CRLF1: variants seen among roughly 807,000 people sequenced by gnomAD.
CRLF1 encodes the protein cytokine receptor-like factor 1.
In CRLF1, 36 loss-of-function variants were observed where a neutral mutation model predicts 48.9. The ratio of observed to expected loss-of-function variants is 0.74; its 90% CI spans 0.56 to 0.97. The LOEUF is 0.97. CRLF1 is among the 50% of genes least tolerant of loss of function. The pLI is 0.00. For synonymous variants in CRLF1, 256 were observed against 253.4 expected, an observed-to-expected ratio of 1.01 and a Z score of -0.10; for missense variants, 534 against 575.1, an observed-to-expected ratio of 0.93 and a Z score of 0.73.
At chr19:18,594,030 G>A in intron 8 of CRLF1, 35 bp downstream of exon 8, 1 of 1,315,312 alleles carries the variant, frequency 7.6e-7, no homozygotes, top group Non-Finnish European at 1.1e-6. Flanking sequence ...CCCTCCCCTT[G>A]CTCCCTCCCG....
chr19:18,597,110 A>G lies in CRLF1; in HGVS notation c.698-61T>C, dbSNP rs539995719. ...CTGTCTGGGTTTAACTCCCCCCAGCAGTGTGGCCCAGGGCACTTGGCCTAG... is the reference window on the plus strand; with the variant it reads ...CTGTCTGGGTTTAACTCCCCCCAGCGGTGTGGCCCAGGGCACTTGGCCTAG... On this transcript the variant is annotated intron_variant, in intron 4 of 8. Transcript: ENST00000392386. 1.6e-5 allele frequency: 25 copies of G among 1,554,070 alleles called. No homozygotes were observed. The African/African-American group carries it at 3.2e-4, about 20-fold the overall frequency.
chr19:18,594,032 T>TGGGGCGC, intron 8 of CRLF1, 33 bp downstream of exon 8: 19 of 695,796 alleles, frequency 2.7e-5, no homozygotes, highest in Middle Eastern at 4.3e-4. Flanking sequence ...CTCCCCTTGC[T>TGGGGCGC]CCCTCCCGCC....
rs201943206 is a variant in CRLF1 at position 18,594,367 on chromosome 19, C to A, written c.1092G>T (p.Arg364=). ...AGCCCAGGAACTGCTTGAGCTCGCG[C>A]CGCACCGGCCCCGAGCTCGGCTCTC... is the stretch of plus-strand genomic sequence containing the variant. The part of the protein sequence containing the change: ...RGGEPSSGPV[R]RELKQFLGWL... The change falls in exon 7 of 9, where the codon CGG becomes CGT. Residue 364 remains arginine, a synonymous_variant. Transcript: ENST00000392386. The A allele has an allele frequency of 6.2e-7, 1 of 1,608,466 alleles. No homozygotes were observed. The highest frequency in any genetic ancestry group is 8.5e-7 in the Non-Finnish European group (1 of 1,177,718).
chr19:18,603,218 C>T (rs572598933), intron 1 of CRLF1, among the ~76,000 whole-genome samples: 1 of 152,184 alleles, frequency 6.6e-6, no homozygotes, highest in Non-Finnish European at 1.5e-5. Flanking sequence ...AAGGAAGCAG[C>T]AGGAAAAAGG....
At position 18,606,015 on chromosome 19, in the gene CRLF1, C is replaced by T. The variant is rs1296646331; in HGVS notation, c.115+527G>A. ...GGGTCCCGCAGGGGGAGGGCGGTGG[C>T]GCCGGCCCGTGGAGACACAAGTCCC... On this transcript the variant is annotated intron_variant, in intron 1 of 8. Transcript: ENST00000392386. The surrounding 1 kb of genome is among the most constrained non-coding windows in gnomAD (Gnocchi z 4.8). 2.6e-5 allele frequency among the ~76,000 whole-genome samples: 4 copies of T among 151,700 alleles called. No individual in the cohort carries two copies. The highest frequency in any genetic ancestry group is 6.5e-5 in the Admixed American group (1 of 15,268).
At chr19:18,604,662 G>A (rs765795420) in intron 1 of CRLF1, among the ~76,000 whole-genome samples, 2 of 152,094 alleles carry the variant, frequency 1.3e-5, no homozygotes, top group South Asian at 2.1e-4. Context: ...AGAGATGCAC[G>A]CACTCCAGGC....
intron 6 of CRLF1, 116 bp from the exon 7 acceptor site, chr19:18,594,550 C>T (rs1336238142): frequency 1.2e-6 from 1 of 813,216 alleles, no homozygotes; most frequent in Non-Finnish European, 1.7e-6. Context: ...CCTCCCTCCC[C>T]GTTTCTCAAG....
chr19:18,596,951 A>T lies in CRLF1; in HGVS notation c.796T>A (p.Phe266Ile). 6.2e-7 allele frequency: 1 copy of T among 1,613,930 alleles called. No homozygotes were observed. Among genetic ancestry groups the T allele is most frequent in the African/African-American group, 1.3e-5 (1 of 74,978 alleles). ...RWVSPPALKD[F>I]LFQAKYQIRY... ...ATCTGGTATTTGGCTTGAAAGAGGA[A>T]ATCCTTGAGGGCGGGTGGCGACACC... Residue 266 changes from phenylalanine to isoleucine, a missense_variant, in exon 5 of 9, where the codon TTC becomes ATC. Phe to Ile is a conservative substitution (Grantham distance 21). Around this residue, in one of 2 missense-constraint regions of CRLF1, gnomAD observed 528 missense variants for 555.7 expected, o/e 0.95. Coordinates refer to ENST00000392386, the MANE Select transcript of CRLF1 (RefSeq NM_004750.5).
intron 1 of CRLF1, among the ~76,000 whole-genome samples, chr19:18,601,560 C>A (rs1259242780): frequency 6.6e-6 from 1 of 152,124 alleles, no homozygotes; most frequent in African/African-American, 2.4e-5. Context: ...CAGGGGTGAA[C>A]CACCGCGCCC....
At position 18,593,527 on chromosome 19, in the gene CRLF1, T is replaced by A; in HGVS notation, c.*39A>T. The A allele has an allele frequency of 2.5e-6, 4 of 1,609,336 alleles. No homozygotes were observed. Among genetic ancestry groups the A allele is most frequent in the Non-Finnish European group, 3.4e-6 (4 of 1,178,376 alleles). ...CCCCAGTTTGGGTTCGGCCTCTGCG[T>A]CTCCACGTGGCAGGGAGGGTGGCCT... is the stretch of plus-strand genomic sequence containing the variant. On this transcript the variant is annotated 3_prime_UTR_variant, in exon 9 of 9. Transcript: ENST00000392386.
intron 6 of CRLF1, 38 bp from the exon 7 acceptor site, chr19:18,594,472 G>T: frequency 7.7e-7 from 1 of 1,302,390 alleles, no homozygotes; most frequent in Non-Finnish European, 9.7e-7. Context: ...GAGCGCGCCC[G>T]GCAGGGGGTG....
chr19:18,595,327 G>A (rs1455080850), intron 6 of CRLF1, among the ~76,000 whole-genome samples: 3 of 152,230 alleles, frequency 2.0e-5, no homozygotes, highest in East Asian at 1.9e-4. Flanking sequence ...TCCCGGCTGC[G>A]CTTGCTCCCG....
intron 1 of CRLF1, among the ~76,000 whole-genome samples, chr19:18,603,168 C>T (rs565459890): frequency 2.0e-5 from 3 of 152,212 alleles, no homozygotes; most frequent in Non-Finnish European, 4.4e-5. Context: ...GGGTGATGCC[C>T]AAGACACACA....
At chr19:18,594,838 C>T (rs979164020) in intron 6 of CRLF1, among the ~76,000 whole-genome samples, 2 of 152,022 alleles carry the variant, frequency 1.3e-5, no homozygotes, top group Non-Finnish European at 2.9e-5. Context: ...GAGCCGGGGC[C>T]AGGGATGGAG....
chr19:18,597,997 C>T (rs1976164660), intron 4 of CRLF1, among the ~76,000 whole-genome samples: 4 of 152,140 alleles, frequency 2.6e-5, no homozygotes, highest in African/African-American at 9.7e-5. Flanking sequence ...AGGCACAGGC[C>T]TGCTTGGGGC....
intron 4 of CRLF1, among the ~76,000 whole-genome samples, chr19:18,597,456 G>A (rs1976155762): frequency 4.9e-5 from 1 of 20,394 alleles, no homozygotes; most frequent in African/African-American, 8.0e-4. Context: ...TTGAGACGGA[G>A]TCTCGCTCTG....
At chr19:18,596,039 G>A (rs1419794904) in intron 6 of CRLF1, among the ~76,000 whole-genome samples, 1 of 152,234 alleles carries the variant, frequency 6.6e-6, no homozygotes, top group Non-Finnish European at 1.5e-5. Flanking sequence ...GGTGGGGGCT[G>A]TAGGCCATGC....
At chr19:18,603,671 C>T (rs2145336239) in intron 1 of CRLF1, among the ~76,000 whole-genome samples, 3 of 152,356 alleles carry the variant, frequency 2.0e-5, no homozygotes, top group Admixed American at 2.0e-4. Flanking sequence ...CGCTGCCCTG[C>T]ACTTGCCCTC....
At position 18,594,255 on chromosome 19, in the gene CRLF1, G is replaced by A. The variant is rs768825506; in HGVS notation, c.1204C>T (p.Arg402Cys). Residue 402 changes from arginine to cysteine, a missense_variant, in exon 7 of 9, where the codon CGC (arginine) becomes TGC (cysteine). By Grantham distance (180) the Arg-to-Cys change is radical (BLOSUM62 -3). Around this residue, in one of 2 missense-constraint regions of CRLF1, gnomAD observed 528 missense variants for 555.7 expected, o/e 0.95. Coordinates refer to ENST00000392386, the MANE Select transcript of CRLF1 (RefSeq NM_004750.5). ...GGGTCCCTCCTTCCTACCTGGTTGC[G>A]GGTCTTGTGCGACTTCTGCATCCAG... ...RAWMQKSHKT[R>C]NQDEGILPSG... is the part of the protein sequence containing the mutation. 6.2e-7 allele frequency: 1 copy of A among 1,612,296 alleles called. No homozygotes were observed. Among genetic ancestry groups the A allele is most frequent in the Admixed American group, 1.7e-5 (1 of 59,980 alleles).
Sources: allele counts gnomAD v4.1 joint callset (sites outside exome capture counted in the v4.1 genomes callset), GRCh38; gene constraint gnomAD v4.1.1; regional missense constraint gnomAD v4.1.1; non-coding constraint Gnocchi (gnomAD v3.1); transcripts MANE v1.5; gene names NCBI Gene and HGNC (gene_info 2026-07-23, HGNC 2026-07-21).